Variants in TENM3 observed in about 807,000 individuals in gnomAD.
TENM3 encodes the protein teneurin transmembrane protein 3, also known as teneurin-3.
A neutral mutation model predicts 255.1 loss-of-function variants in TENM3; 63 were observed. That is an observed-to-expected ratio of 0.25 (90% CI 0.20 to 0.30). The LOEUF (loss-of-function observed/expected upper bound fraction) is 0.30. TENM3 is among the 10% of genes least tolerant of loss of function. The pLI, the probability that TENM3 is intolerant of heterozygous loss-of-function variation, is 1.00. For synonymous variants in TENM3, 1,306 were observed against 1,322.3 expected, an observed-to-expected ratio of 0.99 and a Z score of 0.27; for missense variants, 2,929 against 3,461.1, an observed-to-expected ratio of 0.85 and a Z score of 3.86.
intron 3 of TENM3, among the ~76,000 whole-genome samples, chr4:182,554,974 C>T (rs1449540832): frequency 1.3e-5 from 2 of 151,316 alleles, no homozygotes; most frequent in Non-Finnish European, 2.9e-5. Context: ...GGAGGCGGAA[C>T]TATTGTGGTC....
intron 3 of TENM3, among the ~76,000 whole-genome samples, chr4:182,505,550 C>T (rs1580769847): frequency 1.3e-5 from 2 of 152,246 alleles, no homozygotes; most frequent in Middle Eastern, 6.8e-3. Context: ...GCAACCTCAG[C>T]TCACTGCAAC....
Position 182,649,982 on chromosome 4 carries a change from C to A in TENM3, c.989-3789C>A, listed in dbSNP as rs532456776. ...CGGGGTTTGAGGTTAACATCCATTG[C>A]AAACTGCATGCAAACTCTCAAACAA... On this transcript the variant is annotated intron_variant, in intron 5 of 27. Transcript: ENST00000511685. 1.3e-4 allele frequency among the ~76,000 whole-genome samples: 20 copies of A among 150,598 alleles called. 3 individuals are homozygous for A. The South Asian group carries it at 4.1e-3, about 31-fold the overall frequency.
the TENM3 span, among the ~76,000 whole-genome samples, chr4:182,074,878 G>A: frequency 6.6e-6 from 1 of 152,186 alleles, no homozygotes; most frequent in Non-Finnish European, 1.5e-5. Flanking sequence ...AAAAAGAATA[G>A]TCAGTGGCTA....
chr4:182,753,398 C>G (rs1435903727), intron 20 of TENM3, 52 bp from the exon 21 acceptor site: 2 of 1,520,266 alleles, frequency 1.3e-6, no homozygotes, highest in South Asian at 2.4e-5. Context: ...AATAGTTAAT[C>G]AAAAGTAACC....
At position 182,719,252 on chromosome 4, in the gene TENM3, C is replaced by CTTTTTTTTTT. The variant is rs11348241; in HGVS notation, c.2368+5037_2368+5046dup. Among the ~76,000 whole-genome samples, 181 of 80,884 alleles carry CTTTTTTTTTT rather than the reference C, an allele frequency of 2.2e-3. 3 individuals are homozygous for CTTTTTTTTTT. Among genetic ancestry groups the CTTTTTTTTTT allele is most frequent in the East Asian group, 2.8e-3 (6 of 2,174 alleles). 53.1% of individuals were successfully genotyped at this position (80,884 alleles called of 152,430 possible). On this transcript the variant is annotated intron_variant, in intron 13 of 27. Coordinates refer to ENST00000511685, the MANE Select transcript of TENM3 (RefSeq NM_001080477.4). Reference sequence around the variant, plus strand: ...AGTAAAATAGAGTTCTTTTTTTTTTCTTTTTTTTTTTTTTTTTTTTTTTTT... The same window carrying CTTTTTTTTTT: ...AGTAAAATAGAGTTCTTTTTTTTTTCTTTTTTTTTTTTTTTTTTTTTTTTTTTTTTTTTTT...
the TENM3 span, among the ~76,000 whole-genome samples, chr4:181,808,017 A>G: frequency 1.9e-4 from 29 of 152,190 alleles, no homozygotes; most frequent in Non-Finnish European, 3.4e-4. Context: ...AGCATTTCCC[A>G]TGGGAGCTCC....
chr4:181,643,732 G>A, the TENM3 span, among the ~76,000 whole-genome samples: 1 of 152,146 alleles, frequency 6.6e-6, no homozygotes, highest in Non-Finnish European at 1.5e-5. Flanking sequence ...AAGAGAATGT[G>A]CATGAAATAA....
In TENM3 at chr4:182,730,922, T is replaced by A; in HGVS notation, c.2750T>A (p.Phe917Tyr). ...GGTGGGGCCTCTCTAACTTTGGTAT[T>A]TGAACGATCCCCATTCCTCACTCAG... ...ANGGASLTLVFERSPFLTQYH... is the reference protein window; with the variant it reads ...ANGGASLTLVYERSPFLTQYH... Residue 917 changes from phenylalanine to tyrosine, a missense_variant, in exon 16 of 28, where the codon TTT becomes TAT. Transcript: ENST00000511685. 6.2e-7 allele frequency: 1 copy of A among 1,613,968 alleles called. No homozygotes were observed. The highest frequency in any genetic ancestry group is 1.7e-5 in the Admixed American group (1 of 60,018).
chr4:182,646,010 G>A (rs748935830), intron 5 of TENM3, among the ~76,000 whole-genome samples: 22 of 152,308 alleles, frequency 1.4e-4, no homozygotes, highest in African/African-American at 5.3e-4. Context: ...TAAGCTACAT[G>A]TGCAGGGTGG....
At chr4:181,768,586 GT>G in the TENM3 span, among the ~76,000 whole-genome samples, 3 of 152,088 alleles carry the variant, frequency 2.0e-5, no homozygotes, top group African/African-American at 7.2e-5. Context: ...CAGAGTTTTA[GT>G]TTTTTTCCCT....
chr4:181,848,141 G>A, the TENM3 span, among the ~76,000 whole-genome samples: 1 of 152,094 alleles, frequency 6.6e-6, no homozygotes, highest in African/African-American at 2.4e-5. Flanking sequence ...TAGAAATCGT[G>A]GAGTTTAGAA....
At chr4:181,898,675 C>A in the TENM3 span, among the ~76,000 whole-genome samples, 2 of 152,126 alleles carry the variant, frequency 1.3e-5, no homozygotes, top group Non-Finnish European at 2.9e-5. Flanking sequence ...TCTATCAGAC[C>A]AGACCCCTTT....
intron 4 of TENM3, among the ~76,000 whole-genome samples, chr4:182,609,128 C>T (rs1748733272): frequency 2.6e-5 from 4 of 152,154 alleles, no homozygotes. Flanking sequence ...GAGGCTACTC[C>T]ATGATGGAAA....
chr4:182,771,509 G>A (rs866225519), intron 22 of TENM3, among the ~76,000 whole-genome samples: 2 of 143,174 alleles, frequency 1.4e-5, no homozygotes, highest in South Asian at 2.5e-4. Context: ...GGGGGGGGGG[G>A]AAATAGTACA....
chr4:182,242,060 ATGTG>A (rs1757310232), upstream of TENM3, among the ~76,000 whole-genome samples: 1 of 58,364 alleles, frequency 1.7e-5, no homozygotes, highest in African/African-American at 2.1e-4. Context: ...TCTAGGGTAC[ATGTG>A]CACAAGGTGC....
At chr4:182,568,703 A>G (rs1744043242) in intron 3 of TENM3, among the ~76,000 whole-genome samples, 1 of 152,224 alleles carries the variant, frequency 6.6e-6, no homozygotes. Flanking sequence ...TAGCACCCTT[A>G]TTCAGAATTA....
Position 182,628,748 on chromosome 4 carries a change from A to T in TENM3, c.847A>T (p.Thr283Ser). Residue 283 changes from threonine to serine, a missense_variant, in exon 5 of 28, where the codon ACT (threonine) becomes TCT (serine). Thr to Ser is a moderately conservative substitution (Grantham distance 58, BLOSUM62 1). This residue lies in a region of TENM3 where 1,608 missense variants were observed against 1,884.4 expected (regional missense o/e 0.85). Transcript: ENST00000511685. ...MASGSVYSPP[T>S]RPLPRNTLSR... ...ATCTGGCTCTGTTTATTCACCACCTACTCGGCCACTACCTAGAAACACCCT... is the reference window on the plus strand; with the variant it reads ...ATCTGGCTCTGTTTATTCACCACCTTCTCGGCCACTACCTAGAAACACCCT... The T allele has an allele frequency of 6.2e-7, 1 of 1,609,536 alleles. No homozygotes were observed. Among genetic ancestry groups the T allele is most frequent in the Non-Finnish European group, 8.5e-7 (1 of 1,177,944 alleles).
chr4:182,213,535 G>A (rs1319303645), intron 1 of TENM3, among the ~76,000 whole-genome samples: 1 of 152,038 alleles, frequency 6.6e-6, no homozygotes, highest in Non-Finnish European at 1.5e-5. Context: ...TTATTATCTC[G>A]ATTCAATTCA....
At chr4:182,545,855 G>T (rs953244300) in intron 3 of TENM3, among the ~76,000 whole-genome samples, 3 of 152,054 alleles carry the variant, frequency 2.0e-5, no homozygotes, top group African/African-American at 7.2e-5. Flanking sequence ...ACAATTAGGG[G>T]GCTAGAGGTG....
Sources: allele counts gnomAD v4.1 joint callset (sites outside exome capture counted in the v4.1 genomes callset), GRCh38; gene constraint gnomAD v4.1.1; regional missense constraint gnomAD v4.1.1; transcripts MANE v1.5; gene names NCBI Gene and HGNC (gene_info 2026-07-23, HGNC 2026-07-21).